The following C8orf34 variants were observed in gnomAD, a reference collection of about 807,000 sequenced individuals.
C8orf34 encodes uncharacterized protein C8orf34.
A neutral mutation model predicts 68.3 loss-of-function variants in C8orf34; 65 were observed. That is an observed-to-expected ratio of 0.95 (90% CI 0.78 to 1.17). The LOEUF (loss-of-function observed/expected upper bound fraction) is 1.17. C8orf34 is among the 50% of genes most tolerant of loss of function. The pLI is 0.00. For synonymous variants in C8orf34, 244 were observed against 241.2 expected (o/e 1.01, Z -0.11); for missense variants, 664 against 655.4 (o/e 1.01, Z -0.14).
At chr8:68,507,323 C>T (rs1814069338) in intron 5 of C8orf34, among the ~76,000 whole-genome samples, 1 of 152,156 alleles carries the variant, frequency 6.6e-6, no homozygotes, top group Non-Finnish European at 1.5e-5. Context: ...TCTGAATTCT[C>T]TTAATTTCTC....
intron 6 of C8orf34, among the ~76,000 whole-genome samples, chr8:68,532,088 A>G (rs986193413): frequency 6.6e-6 from 1 of 152,136 alleles, no homozygotes; most frequent in Non-Finnish European, 1.5e-5. Flanking sequence ...CCCTTTCTCC[A>G]CTAAAGATGC....
At chr8:68,554,445 A>T (rs1816187188) in intron 7 of C8orf34, among the ~76,000 whole-genome samples, 1 of 152,166 alleles carries the variant, frequency 6.6e-6, no homozygotes, top group African/African-American at 2.4e-5. Flanking sequence ...GATTAAATTT[A>T]GTCAAAAGAA....
At chr8:68,533,847 A>T (rs965001956) in intron 7 of C8orf34, 2 of 978,502 alleles carry the variant, frequency 2.0e-6, no homozygotes, top group Admixed American at 6.2e-5. Flanking sequence ...TTTCAGAGTG[A>T]TCCACATATA....
chr8:68,718,268 G>A (rs1821534549), intron 9 of C8orf34, among the ~76,000 whole-genome samples: 1 of 152,104 alleles, frequency 6.6e-6, no homozygotes. Flanking sequence ...GACAGATACT[G>A]TTTAATTACT....
chr8:68,386,428 C>G (rs2129620417), intron 1 of C8orf34, among the ~76,000 whole-genome samples: 1 of 152,206 alleles, frequency 6.6e-6, no homozygotes, highest in African/African-American at 2.4e-5. Flanking sequence ...ACATATATTT[C>G]AAATATATGA....
intron 3 of C8orf34, among the ~76,000 whole-genome samples, chr8:68,461,569 C>A (rs1811827861): frequency 6.6e-6 from 1 of 152,160 alleles, no homozygotes; most frequent in Non-Finnish European, 1.5e-5. Flanking sequence ...CAAAGGGGAG[C>A]CCATCAGACT....
intron 1 of C8orf34, among the ~76,000 whole-genome samples, chr8:68,351,862 G>A (rs1327331503): frequency 1.3e-5 from 2 of 152,026 alleles, no homozygotes; most frequent in East Asian, 3.9e-4. Flanking sequence ...CCAACATTTG[G>A]TGTTGTCAGT....
intron 1 of C8orf34, among the ~76,000 whole-genome samples, chr8:68,366,568 G>C (rs1318125033): frequency 6.6e-6 from 1 of 151,466 alleles, no homozygotes; most frequent in Non-Finnish European, 1.5e-5. Flanking sequence ...TAATGGAACA[G>C]AACAGAGCCC....
At chr8:68,779,061 C>CA (rs1354771479) in intron 11 of C8orf34, among the ~76,000 whole-genome samples, 1 of 151,786 alleles carries the variant, frequency 6.6e-6, no homozygotes, top group African/African-American at 2.4e-5. Context: ...CCTATAGTCT[C>CA]AGCTCTTCAG....
intron 10 of C8orf34, among the ~76,000 whole-genome samples, chr8:68,749,122 T>C (rs1194478529): frequency 1.3e-5 from 2 of 151,488 alleles, no homozygotes; most frequent in East Asian, 3.9e-4. Flanking sequence ...TCATTCTCAG[T>C]AAACTATCGC....
intron 10 of C8orf34, among the ~76,000 whole-genome samples, chr8:68,774,331 G>GTATATATATATATATATATATATA (rs550713780): frequency 6.4e-5 from 7 of 108,936 alleles, no homozygotes; most frequent in African/African-American, 2.6e-4. Flanking sequence ...GGGTGTGTGT[G>GTATATATATATATATATATATATA]TATATATATA....
chr8:68,496,668 T>G (rs889309865), intron 5 of C8orf34, among the ~76,000 whole-genome samples: 2 of 152,236 alleles, frequency 1.3e-5, no homozygotes, highest in African/African-American at 2.4e-5. Context: ...GAATGTCTTT[T>G]CACCAGATAG....
intron 7 of C8orf34, among the ~76,000 whole-genome samples, chr8:68,612,229 C>T (rs1356104587): frequency 6.6e-6 from 1 of 152,128 alleles, no homozygotes; most frequent in Admixed American, 6.6e-5. Context: ...ATGTGCCAGA[C>T]ACTACTTCAC....
intron 7 of C8orf34, chr8:68,535,441 G>A: frequency 3.1e-6 from 3 of 978,278 alleles, no homozygotes; most frequent in Non-Finnish European, 3.6e-6. Flanking sequence ...TGATAAATAA[G>A]TGAAAGGTAT....
chr8:68,360,619 A>G (rs903009123), intron 1 of C8orf34, among the ~76,000 whole-genome samples: 3 of 152,124 alleles, frequency 2.0e-5, no homozygotes, highest in Admixed American at 6.6e-5. Context: ...AAATCTACTT[A>G]ACTATACATT....
At chr8:68,731,697 T>C (rs1361656650) in intron 10 of C8orf34, among the ~76,000 whole-genome samples, 3 of 152,210 alleles carry the variant, frequency 2.0e-5, no homozygotes, top group African/African-American at 7.2e-5. Context: ...TATCTATTAG[T>C]CTAATTCTAA....
At chr8:68,545,722 T>G (rs1815852978) in intron 7 of C8orf34, among the ~76,000 whole-genome samples, 1 of 152,144 alleles carries the variant, frequency 6.6e-6, no homozygotes, top group Non-Finnish European at 1.5e-5. Context: ...TTATAAGAAC[T>G]GTTAAAGCAT....
intron 8 of C8orf34, among the ~76,000 whole-genome samples, chr8:68,655,836 A>G (rs1226341124): frequency 6.6e-6 from 1 of 152,176 alleles, no homozygotes; most frequent in Admixed American, 6.5e-5. Flanking sequence ...TATAAGGAGG[A>G]TGGTAGTCAT....
At chr8:68,737,905 T>C (rs1286624674) in intron 10 of C8orf34, among the ~76,000 whole-genome samples, 2 of 152,000 alleles carry the variant, frequency 1.3e-5, no homozygotes, top group African/African-American at 2.4e-5. Context: ...CTGAACTCAC[T>C]CAGCACTGGA....
Sources: allele counts gnomAD v4.1 joint callset (sites outside exome capture counted in the v4.1 genomes callset), GRCh38; gene constraint gnomAD v4.1.1; transcripts MANE v1.5; gene names NCBI Gene and HGNC (gene_info 2026-07-23, HGNC 2026-07-21).